Variants in USH2A observed in about 807,000 individuals in gnomAD.
The protein encoded by USH2A is usherin.
USH2A carries 443 observed loss-of-function variants against 538.9 expected under a neutral mutation model. The observed-to-expected ratio is 0.82, with a 90% CI of 0.76 to 0.89. USH2A has a LOEUF of 0.89. Among genes scored for constraint, USH2A ranks in the 40% least tolerant of loss-of-function variants. The pLI, the probability that USH2A is intolerant of heterozygous loss-of-function variation, is 0.00. For synonymous variants in USH2A, 2,413 were observed against 2,273.5 expected (o/e 1.06, Z -1.75); for missense variants, 6,633 against 6,324.8 (o/e 1.05, Z -1.65).
intron 22 of USH2A, among the ~76,000 whole-genome samples, chr1:216,093,409 AG>A (rs2032352901): frequency 1.3e-5 from 2 of 150,688 alleles, no homozygotes; most frequent in Non-Finnish European, 3.0e-5. Flanking sequence ...GAGAAGGGTA[AG>A]GGGGCGGAAA....
intron 61 of USH2A, among the ~76,000 whole-genome samples, chr1:215,689,607 T>C (rs1412181038): frequency 6.6e-6 from 1 of 152,130 alleles, no homozygotes; most frequent in East Asian, 1.9e-4. Context: ...AGACTGAAAG[T>C]GAAATCCTTC....
At chr1:216,054,532 A>G (rs1195388536) in intron 30 of USH2A, among the ~76,000 whole-genome samples, 1 of 152,204 alleles carries the variant, frequency 6.6e-6, no homozygotes, top group Non-Finnish European at 1.5e-5. Flanking sequence ...GCAGACAAGT[A>G]TAAATGCTCT....
At chr1:216,301,523 G>A (rs1476226968) in intron 9 of USH2A, among the ~76,000 whole-genome samples, 1 of 152,098 alleles carries the variant, frequency 6.6e-6, no homozygotes, top group Non-Finnish European at 1.5e-5. Flanking sequence ...GAGGGAGAGA[G>A]GTGTTGACTG....
intron 35 of USH2A, among the ~76,000 whole-genome samples, chr1:215,973,656 C>CTTT (rs750306238): frequency 0.013 from 1,702 of 130,774 alleles, 17 homozygotes; most frequent in South Asian, 0.02. Context: ...TCTTCTTCTT[C>CTTT]TTTTTTTTTT....
intron 30 of USH2A, among the ~76,000 whole-genome samples, chr1:216,063,233 C>T (rs572525152): frequency 6.6e-6 from 1 of 152,304 alleles, no homozygotes; most frequent in South Asian, 2.1e-4. Context: ...ACAATCTCTG[C>T]ACCCCTAACG....
At position 215,973,940 on chromosome 1, in the gene USH2A, TCACACA is replaced by T. The variant is rs140368318; in HGVS notation, c.6806-3170_6806-3165del. On this transcript the variant is annotated intron_variant, in intron 35 of 71. Transcript: ENST00000307340. The stretch of plus-strand genomic sequence containing the variant: ...AAGTCTAACTTTAACATAGGTGAGA[TCACACA>T]CACACACACACACACACACACACAA... Among the ~76,000 whole-genome samples the T allele has an allele frequency of 7.9e-3, 1,155 of 146,396 alleles. 14 individuals are homozygous for T. The highest frequency in any genetic ancestry group is 0.027 in the African/African-American group (1,082 of 39,662).
intron 13 of USH2A, among the ~76,000 whole-genome samples, chr1:216,242,469 G>T (rs2035958704): frequency 6.6e-6 from 1 of 151,978 alleles, no homozygotes; most frequent in Admixed American, 6.6e-5. Flanking sequence ...ATAATCAGGA[G>T]TTTTAACAAG....
chr1:215,708,759 C>T (rs1325051778), intron 61 of USH2A, among the ~76,000 whole-genome samples: 3 of 152,126 alleles, frequency 2.0e-5, no homozygotes, highest in African/African-American at 7.2e-5. Context: ...GGTGGTGAGG[C>T]TCACCCTCCA....
intron 50 of USH2A, among the ~76,000 whole-genome samples, chr1:215,797,071 T>C (rs1296411128): frequency 6.6e-6 from 1 of 152,186 alleles, no homozygotes; most frequent in Non-Finnish European, 1.5e-5. Context: ...AACAGCCTTA[T>C]TGCTGATATG....
chr1:216,188,369 A>G (rs772788249), intron 20 of USH2A, among the ~76,000 whole-genome samples: 2 of 151,758 alleles, frequency 1.3e-5, no homozygotes, highest in African/African-American at 4.8e-5. Flanking sequence ...TAGTTTGCTT[A>G]TATCTATGAA....
chr1:215,781,166 T>C lies in USH2A; in HGVS notation c.10740+876A>G, dbSNP rs143658929. Among the ~76,000 whole-genome samples, 36 of 152,250 alleles carry C rather than the reference T, an allele frequency of 2.4e-4. No homozygotes were observed. In the East Asian group the frequency reaches 6.9e-3, roughly 29 times the overall value. ...TGTTTCTCTCTATTCTCCTTCCATG[T>C]CCATATTTATACTCATTACTTCAAC... On this transcript the variant is annotated intron_variant, in intron 54 of 71. Transcript: ENST00000307340.
chr1:216,298,864 G>A (rs987010020), intron 9 of USH2A, among the ~76,000 whole-genome samples: 6 of 149,648 alleles, frequency 4.0e-5, no homozygotes, highest in Non-Finnish European at 8.9e-5. Context: ...TTTTTGAGAC[G>A]GAGTCTCACT....
chr1:215,999,203 C>G, intron 33 of USH2A, 145 bp from the exon 34 acceptor site: 1 of 747,680 alleles, frequency 1.3e-6, no homozygotes, highest in Non-Finnish European at 2.1e-6. Context: ...AAATAAAACA[C>G]TGAAGTAGTT....
intron 44 of USH2A, among the ~76,000 whole-genome samples, chr1:215,851,372 A>C (rs1289761988): frequency 6.6e-6 from 1 of 152,280 alleles, no homozygotes; most frequent in East Asian, 1.9e-4. Context: ...GAGACATTAC[A>C]ACTGATACCA....
At chr1:215,982,205 C>A (rs1356421287) in intron 35 of USH2A, among the ~76,000 whole-genome samples, 1 of 152,172 alleles carries the variant, frequency 6.6e-6, no homozygotes, top group Non-Finnish European at 1.5e-5. Context: ...TCTTGACCAA[C>A]AAAATGGGGT....
chr1:215,811,981 G>GAT (rs1553265188), intron 49 of USH2A, among the ~76,000 whole-genome samples: 1 of 78,788 alleles, frequency 1.3e-5, no homozygotes, highest in Non-Finnish European at 2.3e-5. Flanking sequence ...AACCCCTAGG[G>GAT]TTTTTTTTTT....
At chr1:216,257,805 T>A (rs759494658) in intron 11 of USH2A, among the ~76,000 whole-genome samples, 5 of 152,040 alleles carry the variant, frequency 3.3e-5, no homozygotes, top group Non-Finnish European at 7.4e-5. Flanking sequence ...CACTAATTTT[T>A]TATATATAAC....
intron 38 of USH2A, among the ~76,000 whole-genome samples, chr1:215,909,653 T>A (rs908569828): frequency 2.7e-5 from 4 of 150,894 alleles, no homozygotes; most frequent in Non-Finnish European, 5.9e-5. Context: ...GCATTGAGAG[T>A]GATGAGGGAG....
chr1:216,263,348 C>A (rs549201345), intron 11 of USH2A, among the ~76,000 whole-genome samples: 3 of 152,190 alleles, frequency 2.0e-5, no homozygotes, highest in South Asian at 2.1e-4. Flanking sequence ...TTCCTGATGA[C>A]CATAGTTGCA....
Sources: gnomAD v4.1 joint callset for allele counts (sites outside exome capture counted in the v4.1 genomes callset) on GRCh38, gnomAD v4.1.1 for gene constraint, MANE v1.5 for transcripts, NCBI Gene and HGNC (gene_info 2026-07-23, HGNC 2026-07-21) for gene names.